Variants in P2RY14 observed in about 807,000 individuals in gnomAD.
The protein encoded by P2RY14 is P2Y purinoceptor 14.
P2RY14 carries 2 observed loss-of-function variants against 0.9 expected under a neutral mutation model. The observed-to-expected ratio is 2.16, with a 90% confidence interval of 0.88 to 6.79. The LOEUF is 6.79. P2RY14 is among the 30% of genes most tolerant of loss of function. The pLI, the probability that P2RY14 is intolerant of heterozygous loss-of-function variation, is 0.05. For synonymous variants in P2RY14, 158 were observed against 147.2 expected, an observed-to-expected ratio of 1.07 and a Z score of -0.53; for missense variants, 378 against 400.1, an observed-to-expected ratio of 0.94 and a Z score of 0.47.
intron 1 of P2RY14, among the ~76,000 whole-genome samples, chr3:151,263,601 C>A (rs922480408): frequency 3.9e-5 from 6 of 152,114 alleles, no homozygotes; most frequent in Non-Finnish European, 5.9e-5. Context: ...CCCAGAACAT[C>A]AAATGGGAGT....
chr3:151,217,681 G>T (rs1728511792), intron 2 of P2RY14, among the ~76,000 whole-genome samples: 1 of 152,206 alleles, frequency 6.6e-6, no homozygotes, highest in Admixed American at 6.5e-5. Context: ...AGAGGCTCAT[G>T]CCAGGACAGA....
intron 1 of P2RY14, among the ~76,000 whole-genome samples, chr3:151,263,141 A>G (rs1739216602): frequency 6.6e-6 from 1 of 152,146 alleles, no homozygotes; most frequent in Non-Finnish European, 1.5e-5. Context: ...GGGTGCAGAG[A>G]TGGATCAACA....
At chr3:151,269,536 A>G in intron 1 of P2RY14, 1 of 303,064 alleles carries the variant, frequency 3.3e-6, no homozygotes, top group East Asian at 9.3e-5. Context: ...GAAGAGGTCA[A>G]AATTGATTGC....
intron 1 of P2RY14, among the ~76,000 whole-genome samples, chr3:151,261,901 A>G (rs527621560): frequency 6.6e-6 from 1 of 151,720 alleles, no homozygotes; most frequent in African/African-American, 2.4e-5. Flanking sequence ...ATTTTTTTGT[A>G]TTTTTAGTAG....
At chr3:151,261,761 G>A (rs1738949028) in intron 1 of P2RY14, among the ~76,000 whole-genome samples, 1 of 151,890 alleles carries the variant, frequency 6.6e-6, no homozygotes, top group Non-Finnish European at 1.5e-5. Flanking sequence ...GTCTTGCTGT[G>A]TCATCCAGGC....
chr3:151,231,135 T>G (rs530488905), intron 1 of P2RY14, among the ~76,000 whole-genome samples: 6 of 152,266 alleles, frequency 3.9e-5, no homozygotes, highest in Non-Finnish European at 5.9e-5. Flanking sequence ...TATGGTGATA[T>G]TAAAAGTACA....
intron 1 of P2RY14, among the ~76,000 whole-genome samples, chr3:151,266,049 C>T (rs753377425): frequency 6.6e-5 from 10 of 152,218 alleles, no homozygotes; most frequent in Non-Finnish European, 1.0e-4. Context: ...TTAGATTCGA[C>T]TTGGCAGTGT....
intron 1 of P2RY14, among the ~76,000 whole-genome samples, chr3:151,246,880 G>C (rs1434800296): frequency 6.6e-6 from 1 of 152,118 alleles, no homozygotes; most frequent in African/African-American, 2.4e-5. Context: ...ATCTGACAAA[G>C]GGTAATGTCC....
chr3:151,219,921 C>T (rs1302059610), intron 1 of P2RY14, among the ~76,000 whole-genome samples: 3 of 117,278 alleles, frequency 2.6e-5, no homozygotes, highest in Admixed American at 1.1e-4. Flanking sequence ...TATGGATGAT[C>T]GAATCAATTT....
At position 151,242,113 on chromosome 3, in the gene P2RY14, G is replaced by A. The variant is rs987098994; in HGVS notation, c.-132-22471C>T. ...CGAGATTATATCCCGCACCTGGCTC[G>A]GAGGGTCCTACGCCCATGGAGTCTC... On this transcript the variant is annotated intron_variant, in intron 1 of 2. Transcript: ENST00000309170. 6.6e-5 allele frequency among the ~76,000 whole-genome samples: 10 copies of A among 152,272 alleles called. No homozygotes were observed. In the East Asian group the frequency reaches 7.7e-4, roughly 12 times the overall value.
chr3:151,252,700 G>A (rs56654214), intron 1 of P2RY14, among the ~76,000 whole-genome samples: 3,161 of 152,226 alleles, frequency 0.021, 103 homozygotes, highest in African/African-American at 0.073. Flanking sequence ...TATGATGCAT[G>A]CAAATAGACT....
chr3:151,271,116 A>G (rs932345281), intron 1 of P2RY14, among the ~76,000 whole-genome samples: 1 of 152,132 alleles, frequency 6.6e-6, no homozygotes, highest in Non-Finnish European at 1.5e-5. Context: ...AATATTCACA[A>G]AAGTATCTCT....
At position 151,234,798 on chromosome 3, in the gene P2RY14, T is replaced by C. The variant is rs796520205; in HGVS notation, c.-132-15156A>G. ...TGGCATAAGTGATGCCCATATAATG[T>C]GGACTATCATTAACCCTGCTGTCAA... On this transcript the variant is annotated intron_variant, in intron 1 of 2. Transcript: ENST00000309170. Among the ~76,000 whole-genome samples, 49 of 152,310 alleles carry C rather than the reference T, an allele frequency of 3.2e-4. 1 individual carries two copies. The highest frequency in any genetic ancestry group is 1.1e-3 in the African/African-American group (44 of 41,578).
intron 1 of P2RY14, among the ~76,000 whole-genome samples, chr3:151,252,898 G>A (rs1920395): frequency 0.37 from 55,662 of 151,830 alleles, 10,489 homozygotes; most frequent in East Asian, 0.6. Flanking sequence ...TTGATTTAAA[G>A]CAATGACTGT....
At chr3:151,219,977 A>T (rs932781806) in intron 1 of P2RY14, among the ~76,000 whole-genome samples, 1 of 147,780 alleles carries the variant, frequency 6.8e-6, no homozygotes, top group Non-Finnish European at 1.5e-5. Context: ...TGAAATCATA[A>T]GTCTAATTGC....
At chr3:151,259,765 A>G (rs1411543488) in intron 1 of P2RY14, among the ~76,000 whole-genome samples, 1 of 152,256 alleles carries the variant, frequency 6.6e-6, no homozygotes, top group African/African-American at 2.4e-5. Context: ...ACGAGCTCAT[A>G]GCATTTCCAA....
chr3:151,229,822 G>A (rs867350256), intron 1 of P2RY14, among the ~76,000 whole-genome samples: 8 of 152,272 alleles, frequency 5.3e-5, no homozygotes, highest in Middle Eastern at 6.8e-3. Context: ...CAACAATGGA[G>A]CAACTGTATT....
intron 1 of P2RY14, among the ~76,000 whole-genome samples, chr3:151,247,843 G>A (rs1577112233): frequency 6.6e-6 from 1 of 151,600 alleles, no homozygotes; most frequent in African/African-American, 2.4e-5. Context: ...GTTGACAAGA[G>A]TCACAGTTTT....
At chr3:151,220,405 A>G (rs1218233165) in intron 1 of P2RY14, among the ~76,000 whole-genome samples, 3 of 152,112 alleles carry the variant, frequency 2.0e-5, no homozygotes, top group African/African-American at 7.2e-5. Context: ...GTGCATACAC[A>G]TTACCTGGGA....
Sources: gnomAD v4.1 joint callset for allele counts (sites outside exome capture counted in the v4.1 genomes callset) on GRCh38, gnomAD v4.1.1 for gene constraint, MANE v1.5 for transcripts, NCBI Gene and HGNC (gene_info 2026-07-23, HGNC 2026-07-21) for gene names.